Variants in HNRNPC observed in about 807,000 individuals in gnomAD.
HNRNPC encodes the protein heterogeneous nuclear ribonucleoprotein C, also known as heterogeneous nuclear ribonucleoproteins C1/C2.
Under a neutral mutation model 33.2 loss-of-function variants are expected in HNRNPC, and 3 were observed. The observed-to-expected ratio is 0.09, with a 90% CI of 0.04 to 0.23. HNRNPC has a LOEUF of 0.23. HNRNPC is among the 10% of genes least tolerant of loss of function. The pLI, the probability that HNRNPC is intolerant of heterozygous loss-of-function variation, is 1.00. For missense variants in HNRNPC, 143 were observed against 366.7 expected, an observed-to-expected ratio of 0.39 and a Z score of 4.98; for synonymous variants, 121 against 126.7, an observed-to-expected ratio of 0.96 and a Z score of 0.30.
chr14:21,224,720 C>A (rs551194781), intron 5 of HNRNPC, among the ~76,000 whole-genome samples: 2 of 152,274 alleles, frequency 1.3e-5, no homozygotes, highest in Non-Finnish European at 2.9e-5. Context: ...AAGCCCTTTA[C>A]AACTAACATT....
intron 2 of HNRNPC, among the ~76,000 whole-genome samples, chr14:21,234,476 A>G (rs937226129): frequency 2.0e-5 from 3 of 151,688 alleles, no homozygotes; most frequent in Non-Finnish European, 2.9e-5. Flanking sequence ...AATTCTCAGG[A>G]AAAAAAAATT....
intron 3 of HNRNPC, among the ~76,000 whole-genome samples, chr14:21,232,388 T>C (rs564743986): frequency 6.6e-6 from 1 of 152,216 alleles, no homozygotes; most frequent in Non-Finnish European, 1.5e-5. Flanking sequence ...TGAGTGTGGG[T>C]ATTTTTTTAG....
chr14:21,258,256 G>A (rs758455432), intron 2 of HNRNPC, among the ~76,000 whole-genome samples: 1 of 152,038 alleles, frequency 6.6e-6, no homozygotes, highest in South Asian at 2.1e-4. Context: ...TGGGTGTGGT[G>A]GTGCATGCCT....
chr14:21,211,376 C>T (rs1328569621), intron 8 of HNRNPC, 30 bp downstream of exon 8: 27 of 1,487,456 alleles, frequency 1.8e-5, no homozygotes, highest in Non-Finnish European at 2.2e-5. Flanking sequence ...CCCTCCACCA[C>T]CTTTTTCTTT....
chr14:21,209,508 A>G lies in HNRNPC; in HGVS notation c.*1715T>C, dbSNP rs1466254077. 2 of 152,222 alleles carry G rather than the reference A, an allele frequency of 1.3e-5. No homozygotes were observed. The highest frequency in any genetic ancestry group is 2.9e-5 in the Non-Finnish European group (2 of 68,024). 9.4% of individuals were successfully genotyped at this position (152,222 alleles called of 1,614,324 possible). A position where few individuals can be genotyped will look rare whatever the true frequency, so the allele number is the denominator to read the frequency against. On this transcript the variant is annotated 3_prime_UTR_variant, in exon 9 of 9. Transcript: ENST00000553300. The stretch of plus-strand genomic sequence containing the variant: ...TAACATGAGCTCACATCAGATTAGA[A>G]AACATCAAGTGGGTAGTATTTTTGA...
At chr14:21,246,169 T>C (rs1895957996) in intron 2 of HNRNPC, among the ~76,000 whole-genome samples, 1 of 152,068 alleles carries the variant, frequency 6.6e-6, no homozygotes, top group Non-Finnish European at 1.5e-5. Context: ...TGGTCTGTCA[T>C]TCACCAAAAC....
intron 2 of HNRNPC, chr14:21,254,530 A>G (rs947228958): frequency 1.3e-5 from 2 of 152,202 alleles, no homozygotes; most frequent in Non-Finnish European, 2.9e-5. Flanking sequence ...ATCAAAGGTA[A>G]GATAAAGATG....
chr14:21,222,685 G>A (rs1264041942), intron 5 of HNRNPC, among the ~76,000 whole-genome samples: 1 of 152,108 alleles, frequency 6.6e-6, no homozygotes, highest in East Asian at 1.9e-4. Flanking sequence ...GAGGTCAGGA[G>A]ATCAAGACCA....
At chr14:21,248,996 G>A (rs1311182915) in intron 2 of HNRNPC, among the ~76,000 whole-genome samples, 1 of 152,182 alleles carries the variant, frequency 6.6e-6, no homozygotes, top group African/African-American at 2.4e-5. Context: ...ACATTGACGT[G>A]GAGGAGCATA....
chr14:21,220,822 GTATT>G (rs921952865), intron 5 of HNRNPC, among the ~76,000 whole-genome samples: 2 of 140,134 alleles, frequency 1.4e-5, no homozygotes, highest in African/African-American at 5.2e-5. Context: ...TGTTTTCAAG[GTATT>G]TATTTAAAAA....
intron 2 of HNRNPC, among the ~76,000 whole-genome samples, chr14:21,253,893 G>C (rs750366108): frequency 6.6e-6 from 1 of 151,542 alleles, no homozygotes; most frequent in African/African-American, 2.4e-5. Context: ...GTGAATCCCC[G>C]TCTCTACCAA....
chr14:21,260,677 A>T (rs1018343056), intron 2 of HNRNPC, among the ~76,000 whole-genome samples: 1 of 151,766 alleles, frequency 6.6e-6, no homozygotes, highest in African/African-American at 2.4e-5. Context: ...AAATAGAAAA[A>T]TTTAAGGCCA....
chr14:21,212,922 C>T, intron 6 of HNRNPC, 38 bp downstream of exon 6: 1 of 1,609,726 alleles, frequency 6.2e-7, no homozygotes, highest in Non-Finnish European at 8.5e-7. Flanking sequence ...TCTCAAAACA[C>T]AAGAGATACC....
intron 2 of HNRNPC, among the ~76,000 whole-genome samples, chr14:21,247,860 G>A (rs994971873): frequency 6.6e-6 from 1 of 151,286 alleles, no homozygotes; most frequent in Non-Finnish European, 1.5e-5. Flanking sequence ...GGTGGCAAGC[G>A]CCAGTAATGC....
intron 2 of HNRNPC, among the ~76,000 whole-genome samples, chr14:21,254,381 A>C (rs1876757996): frequency 6.6e-6 from 1 of 152,184 alleles, no homozygotes; most frequent in Non-Finnish European, 1.5e-5. Flanking sequence ...TAAAATTATT[A>C]CTTAAATATA....
At chr14:21,253,173 TAAAAAAAAA>T (rs544647664) in intron 2 of HNRNPC, among the ~76,000 whole-genome samples, 1 of 118,786 alleles carries the variant, frequency 8.4e-6, no homozygotes, top group African/African-American at 3.1e-5. Flanking sequence ...ACTCTGTCTT[TAAAAAAAAA>T]AAAAAAAAGA....
chr14:21,240,065 A>G (rs1895174467), intron 2 of HNRNPC, among the ~76,000 whole-genome samples: 1 of 152,112 alleles, frequency 6.6e-6, no homozygotes, highest in African/African-American at 2.4e-5. Context: ...ATACTAAGTT[A>G]TTTCTAATGC....
At chr14:21,238,518 T>G (rs1207177941) in intron 2 of HNRNPC, among the ~76,000 whole-genome samples, 1 of 152,220 alleles carries the variant, frequency 6.6e-6, no homozygotes, top group Non-Finnish European at 1.5e-5. Flanking sequence ...TTGGGATTTC[T>G]GTAGGAAAAA....
intron 5 of HNRNPC, among the ~76,000 whole-genome samples, chr14:21,222,066 A>AAAAAAAAAAAAAAAAAG: frequency 8.0e-6 from 1 of 125,682 alleles, no homozygotes; most frequent in Non-Finnish European, 1.7e-5. Context: ...AAAAAAAAAA[A>AAAAAAAAAAAAAAAAAG]GCTGAAAAAC....
Sources: allele counts gnomAD v4.1 joint callset (sites outside exome capture counted in the v4.1 genomes callset), GRCh38; gene constraint gnomAD v4.1.1; transcripts MANE v1.5; gene names NCBI Gene and HGNC (gene_info 2026-07-23, HGNC 2026-07-21).